The following RILPL1 variants were observed in gnomAD, a reference collection of about 807,000 sequenced individuals.
RILPL1 encodes the protein RILP-like protein 1.
Under a neutral mutation model 50.3 loss-of-function variants are expected in RILPL1, and 33 were observed. That is an observed-to-expected ratio of 0.66 (90% CI 0.50 to 0.88). RILPL1 has a LOEUF of 0.88. RILPL1 is among the 40% of genes least tolerant of loss of function. The pLI, the probability that RILPL1 is intolerant of heterozygous loss-of-function variation, is 0.00. For missense variants in RILPL1, 418 were observed against 542.5 expected (o/e 0.77, Z 2.28); for synonymous variants, 205 against 228.6 (o/e 0.90, Z 0.93).
At chr12:123,524,942 G>A (rs1419917362) in intron 1 of RILPL1, among the ~76,000 whole-genome samples, 6 of 152,072 alleles carry the variant, frequency 3.9e-5, no homozygotes, top group East Asian at 1.9e-4. Flanking sequence ...GACCAGCCTG[G>A]CCAACATGGC....
At chr12:123,473,766 A>G (rs1210628187) in intron 6 of RILPL1, 1 of 152,002 alleles carries the variant, frequency 6.6e-6, no homozygotes, top group Non-Finnish European at 1.5e-5. Flanking sequence ...GAACTTTCAG[A>G]TGCCTGAAAG....
intron 4 of RILPL1, among the ~76,000 whole-genome samples, chr12:123,486,080 T>C (rs771505369): frequency 5.3e-5 from 8 of 152,250 alleles, no homozygotes; most frequent in Non-Finnish European, 1.0e-4. Context: ...ATTACAAACA[T>C]GACAAGGCAT....
chr12:123,507,663 C>T (rs139742967), intron 2 of RILPL1, among the ~76,000 whole-genome samples: 24 of 151,848 alleles, frequency 1.6e-4, no homozygotes, highest in African/African-American at 5.3e-4. Context: ...ACAGCTAGGC[C>T]GTGCACGGTG....
intron 2 of RILPL1, among the ~76,000 whole-genome samples, chr12:123,505,936 A>C (rs1419996914): frequency 1.3e-5 from 2 of 152,158 alleles, no homozygotes; most frequent in Non-Finnish European, 2.9e-5. Context: ...TCAAGTGTTT[A>C]TTGAGCACCT....
intron 2 of RILPL1, chr12:123,519,653 C>G (rs972559914): frequency 2.0e-5 from 3 of 152,306 alleles, no homozygotes; most frequent in African/African-American, 7.2e-5. Flanking sequence ...CCTGTCTGTC[C>G]CAGGTCTGTT....
At chr12:123,512,472 GCTGTGTGTGAGGT>G (rs1464678258) in intron 2 of RILPL1, among the ~76,000 whole-genome samples, 39 of 131,236 alleles carry the variant, frequency 3.0e-4, no homozygotes, top group South Asian at 1.7e-3. Context: ...GTGTGTGAGG[GCTGTGTGTGAGGT>G]CTGTGTGTGT....
chr12:123,516,033 C>CAAAAAAAAAAA (rs749657516), intron 2 of RILPL1, among the ~76,000 whole-genome samples: 8 of 36,174 alleles, frequency 2.2e-4, no homozygotes, highest in African/African-American at 4.6e-4. Flanking sequence ...GACTCTGTCT[C>CAAAAAAAAAAA]AAAAAAAAAA....
intron 4 of RILPL1, among the ~76,000 whole-genome samples, chr12:123,494,233 G>A (rs1034394386): frequency 2.0e-5 from 3 of 152,168 alleles, no homozygotes; most frequent in Non-Finnish European, 4.4e-5. Context: ...GACAGGCCTA[G>A]GTCACACAGC....
In RILPL1 at chr12:123,472,301, C is replaced by T. The variant is rs924606024; in HGVS notation, c.*237G>A. 3.9e-5 allele frequency: 19 copies of T among 490,134 alleles called. No individual in the cohort carries two copies. The highest frequency in any genetic ancestry group is 5.8e-5 in the Non-Finnish European group (16 of 274,274). The allele number at this position is 490,134 out of a possible 1,614,324, so 30.4% of individuals were successfully genotyped here. On this transcript the variant is annotated 3_prime_UTR_variant, in exon 7 of 7. Transcript: ENST00000376874. Reference sequence around the variant, plus strand: ...GTGGGATTATTAAATATATATCCTACGGGATCAGAGTCATCTATTAGAAAC... The same window carrying T: ...GTGGGATTATTAAATATATATCCTATGGGATCAGAGTCATCTATTAGAAAC...
chr12:123,517,424 G>GTTTTTTTTTTT (rs59944903), intron 2 of RILPL1, among the ~76,000 whole-genome samples: 1 of 131,962 alleles, frequency 7.6e-6, no homozygotes. Context: ...TGTTGTTATT[G>GTTTTTTTTTTT]TTTTTTTTTT....
At chr12:123,476,624 A>G (rs1881608428) in intron 6 of RILPL1, among the ~76,000 whole-genome samples, 2 of 152,146 alleles carry the variant, frequency 1.3e-5, no homozygotes, top group South Asian at 4.2e-4. Flanking sequence ...TCTGCAGGCC[A>G]AGGACTGCCA....
At position 123,533,549 on chromosome 12, in the gene RILPL1, G is replaced by A. The variant is rs1347650085; in HGVS notation, c.-67C>T. 6 of 1,319,038 alleles carry A rather than the reference G, an allele frequency of 4.5e-6. No individual in the cohort carries two copies. The highest frequency in any genetic ancestry group is 5.9e-6 in the Non-Finnish European group (6 of 1,012,264). The allele number at this position is 1,319,038 out of a possible 1,614,324, so 81.7% of individuals were successfully genotyped here. ...AACTCCCAAACTTGCCGCTGTCGAG[G>A]GCCGGGCCGGCCGGGCCCAGCCTGG... is the stretch of plus-strand genomic sequence containing the variant. On this transcript the variant is annotated 5_prime_UTR_variant, in exon 1 of 7. Coordinates refer to ENST00000376874, the MANE Select transcript of RILPL1 (RefSeq NM_178314.5). The surrounding 1 kb of genome is among the most constrained non-coding windows in gnomAD (Gnocchi z 6.2).
In RILPL1 at chr12:123,472,213, T is replaced by G; in HGVS notation, c.*325A>C. On this transcript the variant is annotated 3_prime_UTR_variant, in exon 7 of 7. Transcript: ENST00000376874. ...GTCAAACAGCAATGATAGTGGCAAGTGATGTATTTGGCTTAAAGAAGCTTG... is the reference window on the plus strand; with the variant it reads ...GTCAAACAGCAATGATAGTGGCAAGGGATGTATTTGGCTTAAAGAAGCTTG... 1 of 269,458 alleles carries G rather than the reference T, an allele frequency of 3.7e-6. No individual in the cohort carries two copies. The highest frequency in any genetic ancestry group is 2.2e-5 in the African/African-American group (1 of 46,360). The allele number at this position is 269,458 out of a possible 1,614,324, so 16.7% of individuals were successfully genotyped here. A position where few individuals can be genotyped will look rare whatever the true frequency, so the allele number is the denominator to read the frequency against.
rs749657516 is a variant in RILPL1 at position 123,516,033 on chromosome 12, C to CAA, written c.460+7460_460+7461dup. On this transcript the variant is annotated intron_variant, in intron 2 of 6. Transcript: ENST00000376874. ...TGGGCCACAGAGCGAGACTCTGTCT[C>CAA]AAAAAAAAAAAAAAAAAAAAAAAAA... Among the ~76,000 whole-genome samples the CAA allele has an allele frequency of 1.2e-3, 43 of 36,152 alleles. 2 individuals are homozygous for CAA. The highest frequency in any genetic ancestry group is 3.9e-3 in the East Asian group (3 of 776). The allele number at this position is 36,152 out of a possible 152,430, so 23.7% of individuals were successfully genotyped here. A position where few individuals can be genotyped will look rare whatever the true frequency, so the allele number is the denominator to read the frequency against.
At chr12:123,479,295 G>A (rs1224658451) in intron 6 of RILPL1, among the ~76,000 whole-genome samples, 1 of 152,072 alleles carries the variant, frequency 6.6e-6, no homozygotes, top group African/African-American at 2.4e-5. Context: ...CTAAGCTGCC[G>A]AAGCCCCTGA....
rs150025684 is a variant in RILPL1 at position 123,499,714 on chromosome 12, T to C, written c.461-178A>G. 4.6e-3 allele frequency among the ~76,000 whole-genome samples: 698 copies of C among 152,214 alleles called. 6 individuals carry two copies. Among genetic ancestry groups the C allele is most frequent in the Middle Eastern group, 0.017 (5 of 294 alleles). ...CTCCCCGGTGCCTGCTTTCTATTCC[T>C]TGATTCCCCCCGAGGTCATTCCCAC... On this transcript the variant is annotated intron_variant, in intron 2 of 6. Coordinates refer to ENST00000376874, the MANE Select transcript of RILPL1 (RefSeq NM_178314.5).
At chr12:123,486,802 G>A (rs1882367249) in intron 4 of RILPL1, among the ~76,000 whole-genome samples, 1 of 147,808 alleles carries the variant, frequency 6.8e-6, no homozygotes. Flanking sequence ...GCCACACCCG[G>A]CAATTTTTTT....
At chr12:123,526,147 A>G (rs1179316601) in intron 1 of RILPL1, among the ~76,000 whole-genome samples, 1 of 151,932 alleles carries the variant, frequency 6.6e-6, no homozygotes, top group Non-Finnish European at 1.5e-5. Context: ...CTCTACTGAA[A>G]ATACAAAAAT....
rs550379226 is a variant in RILPL1, at chr12:123,523,607, C to T, written c.348G>A (p.Ala116=). 3.0e-5 allele frequency: 49 copies of T among 1,613,722 alleles called. No individual in the cohort carries two copies. The highest frequency in any genetic ancestry group is 5.0e-5 in the Admixed American group (3 of 59,996). Residue 116 remains alanine, a synonymous_variant, in exon 2 of 7, where the codon GCG becomes GCA. Coordinates refer to ENST00000376874, the MANE Select transcript of RILPL1 (RefSeq NM_178314.5). ...ELVEDVWRGE[A]QDLLSQIAQL... ...GGGCGATCTGGGAGAGGAGGTCCTG[C>T]GCCTCCCCTCGCCACACATCCTCCA...
Sources: allele counts gnomAD v4.1 joint callset (sites outside exome capture counted in the v4.1 genomes callset), GRCh38; gene constraint gnomAD v4.1.1; non-coding constraint Gnocchi (gnomAD v3.1); transcripts MANE v1.5; gene names NCBI Gene and HGNC (gene_info 2026-07-23, HGNC 2026-07-21).